The following SPRED1 variants were observed in gnomAD, a reference collection of about 807,000 sequenced individuals.
SPRED1 encodes sprouty related EVH1 domain containing 1.
Under a neutral mutation model 52.3 loss-of-function variants are expected in SPRED1, and 18 were observed. The ratio of observed to expected loss-of-function variants is 0.34; its 90% CI spans 0.24 to 0.51. SPRED1 has a LOEUF of 0.51. Ranked by LOEUF, SPRED1 falls within the 20% of genes least tolerant of loss-of-function variation. SPRED1 has a pLI of 0.97. For synonymous variants in SPRED1, 155 were observed against 179.7 expected (o/e 0.86, Z 1.10); for missense variants, 485 against 551.0 (o/e 0.88, Z 1.20).
chr15:38,336,426 A>ATATATAATATTATATATGT (rs1555391816), intron 4 of SPRED1, among the ~76,000 whole-genome samples: 1 of 138,476 alleles, frequency 7.2e-6, no homozygotes, highest in Non-Finnish European at 1.5e-5. Context: ...GTGTGTGTAT[A>ATATATAATATTATATATGT]TATATATATA....
chr15:38,315,472 A>G (rs1895458031), intron 2 of SPRED1, among the ~76,000 whole-genome samples: 1 of 151,958 alleles, frequency 6.6e-6, no homozygotes, highest in African/African-American at 2.4e-5. Context: ...TGCTTCTGGC[A>G]TGCAACACAG....
Position 38,354,936 on chromosome 15 carries a change from C to T in SPRED1, c.*3272C>T. 1 of 152,180 alleles carries T rather than the reference C, an allele frequency of 6.6e-6. No homozygotes were observed. Among genetic ancestry groups the T allele is most frequent in the East Asian group, 1.9e-4 (1 of 5,196 alleles). 9.4% of individuals were successfully genotyped at this position (152,180 alleles called of 1,614,324 possible). On this transcript the variant is annotated 3_prime_UTR_variant, in exon 7 of 7. Coordinates refer to ENST00000299084, the MANE Select transcript of SPRED1 (RefSeq NM_152594.3). Reference sequence around the variant, plus strand: ...CACCTGTATTTTATCATGACAGCTTCAGAGAGTGTGTGTGTACGTTTTTCT... The same window carrying T: ...CACCTGTATTTTATCATGACAGCTTTAGAGAGTGTGTGTGTACGTTTTTCT...
chr15:38,299,649 T>A, intron 2 of SPRED1, 102 bp downstream of exon 2: 1 of 1,184,942 alleles, frequency 8.4e-7, no homozygotes, highest in Non-Finnish European at 1.2e-6. Flanking sequence ...TGTGAATCAG[T>A]AATTATGTTT....
chr15:38,265,997 A>T (rs1894300292), intron 1 of SPRED1, among the ~76,000 whole-genome samples: 1 of 152,166 alleles, frequency 6.6e-6, no homozygotes, highest in Admixed American at 6.5e-5. Context: ...TGTTAACTGT[A>T]ATTTGGACAG....
chr15:38,272,638 T>C (rs1214624101), intron 1 of SPRED1, among the ~76,000 whole-genome samples: 5 of 152,170 alleles, frequency 3.3e-5, no homozygotes, highest in Non-Finnish European at 7.4e-5. Context: ...GCTGAACTAA[T>C]TTACATTCCC....
At chr15:38,315,691 T>G (rs746044912) in intron 2 of SPRED1, among the ~76,000 whole-genome samples, 1 of 151,900 alleles carries the variant, frequency 6.6e-6, no homozygotes, top group Non-Finnish European at 1.5e-5. Context: ...TCTTCAGAAT[T>G]TACTCACATA....
intron 4 of SPRED1, among the ~76,000 whole-genome samples, chr15:38,336,736 C>T (rs1566871884): frequency 6.6e-6 from 1 of 151,694 alleles, no homozygotes. Context: ...GGGAGCTAAG[C>T]TATGAGGTCA....
intron 4 of SPRED1, among the ~76,000 whole-genome samples, chr15:38,339,369 CAT>C (rs1895985495): frequency 1.3e-5 from 2 of 152,064 alleles, no homozygotes; most frequent in South Asian, 4.1e-4. Context: ...CAAAATAAAA[CAT>C]AGATTTGTGT....
At chr15:38,331,515 T>C (rs1895806508) in intron 4 of SPRED1, among the ~76,000 whole-genome samples, 1 of 152,086 alleles carries the variant, frequency 6.6e-6, no homozygotes, top group Admixed American at 6.6e-5. Flanking sequence ...AGAAAGTGTT[T>C]TGGTTATTAG....
chr15:38,322,583 C>T (rs541403408), intron 3 of SPRED1, among the ~76,000 whole-genome samples, 174 bp downstream of exon 3: 1 of 152,206 alleles, frequency 6.6e-6, no homozygotes, highest in East Asian at 1.9e-4. Context: ...GATTCCTTAA[C>T]GTGATTTGTA....
intron 5 of SPRED1, among the ~76,000 whole-genome samples, chr15:38,341,243 C>T (rs1023844570): frequency 3.3e-5 from 5 of 151,902 alleles, no homozygotes; most frequent in Middle Eastern, 6.8e-3. Flanking sequence ...TAAATTTTAG[C>T]CTTTTCAAAG....
intron 1 of SPRED1, among the ~76,000 whole-genome samples, chr15:38,260,954 A>G (rs544279880): frequency 6.6e-6 from 1 of 152,334 alleles, no homozygotes; most frequent in South Asian, 2.1e-4. Flanking sequence ...GAGACGAAAT[A>G]TTACAAATAG....
chr15:38,261,318 A>AT (rs564592056), intron 1 of SPRED1, among the ~76,000 whole-genome samples: 7 of 152,126 alleles, frequency 4.6e-5, no homozygotes, highest in Non-Finnish European at 1.0e-4. Flanking sequence ...ATCATAACTG[A>AT]TTTTTTTGTA....
rs1200356160 is a variant in SPRED1 at position 38,252,912 on chromosome 15, C to G, written c.-274C>G. On this transcript the variant is annotated 5_prime_UTR_variant, in exon 1 of 7. Transcript: ENST00000299084. ...AGCCCCTCTCTTTTTCCCTTTCCAC[C>G]GGGCCTCCTCGGATCCCTTGGCTGG... 3.6e-6 allele frequency: 2 copies of G among 562,432 alleles called. No homozygotes were observed. Among genetic ancestry groups the G allele is most frequent in the Non-Finnish European group, 6.4e-6 (2 of 314,162 alleles). 34.8% of individuals were successfully genotyped at this position (562,432 alleles called of 1,614,324 possible).
chr15:38,348,317 A>G (rs1896183008), intron 5 of SPRED1, among the ~76,000 whole-genome samples: 1 of 151,926 alleles, frequency 6.6e-6, no homozygotes, highest in Non-Finnish European at 1.5e-5. Context: ...TAATTTCTAA[A>G]TTCTTACAGA....
At chr15:38,257,799 G>T (rs10520058) in intron 1 of SPRED1, among the ~76,000 whole-genome samples, 7,432 of 152,276 alleles carry the variant, frequency 0.049, 311 homozygotes, top group African/African-American at 0.11. Flanking sequence ...TAGGGATAAA[G>T]AAGTGAAATT....
intron 1 of SPRED1, among the ~76,000 whole-genome samples, chr15:38,257,983 T>C (rs1349858331): frequency 2.6e-5 from 4 of 152,226 alleles, no homozygotes; most frequent in South Asian, 2.1e-4. Flanking sequence ...ACAAGCCTGC[T>C]TTTCTTCTCC....
intron 1 of SPRED1, among the ~76,000 whole-genome samples, chr15:38,279,812 G>A (rs192345404): frequency 6.6e-6 from 1 of 152,292 alleles, no homozygotes; most frequent in Admixed American, 6.5e-5. Flanking sequence ...TGTAGAATAA[G>A]AACTAGGTAA....
chr15:38,275,575 G>T (rs1894531261), intron 1 of SPRED1, among the ~76,000 whole-genome samples: 1 of 152,134 alleles, frequency 6.6e-6, no homozygotes, highest in Admixed American at 6.5e-5. Flanking sequence ...TTGGCTTGCT[G>T]CAACCTTTGC....
Sources: allele counts gnomAD v4.1 joint callset (sites outside exome capture counted in the v4.1 genomes callset), GRCh38; gene constraint gnomAD v4.1.1; transcripts MANE v1.5; gene names NCBI Gene and HGNC (gene_info 2026-07-23, HGNC 2026-07-21).